Variants in KIF21B observed in about 807,000 individuals in gnomAD.
The protein encoded by KIF21B is kinesin family member 21B, also known as kinesin-like protein KIF21B.
KIF21B carries 85 observed loss-of-function variants against 192.9 expected under a neutral mutation model. That is an observed-to-expected ratio of 0.44 (90% confidence interval 0.37 to 0.53). The LOEUF is 0.53. Among genes scored for constraint, KIF21B ranks in the 20% least tolerant of loss-of-function variants. The pLI is 0.00. For synonymous variants in KIF21B, 832 were observed against 884.6 expected (o/e 0.94, Z 1.05); for missense variants, 1,716 against 2,194.8 (o/e 0.78, Z 4.36).
chr1:201,006,933 C>G (rs1438398986), intron 3 of KIF21B, among the ~76,000 whole-genome samples: 1 of 143,352 alleles, frequency 7.0e-6, no homozygotes, highest in Non-Finnish European at 1.5e-5. Flanking sequence ...CACACACACA[C>G]AGAGACAGAC....
intron 9 of KIF21B, chr1:201,001,322 A>G (rs1010461458): frequency 1.9e-5 from 3 of 154,004 alleles, no homozygotes; most frequent in African/African-American, 7.2e-5. Flanking sequence ...GAAGGCTACT[A>G]TAATAAATTT....
chr1:200,991,649 G>A lies in KIF21B; in HGVS notation c.2454+8C>T, dbSNP rs1169974530. On this transcript the variant is annotated splice_region_variant and intron_variant, in intron 17 of 34. Transcript: ENST00000461742. ...CCAGGGCCTCGCCAGCCCCTCGAGTGAGCTCACCTCCTGGGTCTTCCTCCT... is the reference window on the plus strand; with the variant it reads ...CCAGGGCCTCGCCAGCCCCTCGAGTAAGCTCACCTCCTGGGTCTTCCTCCT... 1.2e-6 allele frequency: 2 copies of A among 1,613,658 alleles called. No individual in the cohort carries two copies. The highest frequency in any genetic ancestry group is 3.3e-5 in the Admixed American group (2 of 60,012).
intron 27 of KIF21B, among the ~76,000 whole-genome samples, chr1:200,983,995 T>C (rs1656118793): frequency 6.6e-6 from 1 of 152,180 alleles, no homozygotes; most frequent in Non-Finnish European, 1.5e-5. Flanking sequence ...CACAGCACTG[T>C]CACCCCTGGG....
chr1:200,994,316 C>T (rs1656908088), intron 15 of KIF21B, among the ~76,000 whole-genome samples: 1 of 152,236 alleles, frequency 6.6e-6, no homozygotes, highest in Admixed American at 6.5e-5. Context: ...CAGTTCCATT[C>T]TGTGAATCGC....
intron 22 of KIF21B, 75 bp from the exon 23 acceptor site, chr1:200,988,619 C>A: frequency 6.9e-7 from 1 of 1,459,738 alleles, no homozygotes; most frequent in South Asian, 1.3e-5. Context: ...GATGGTCTCC[C>A]TCCTATATCT....
intron 3 of KIF21B, among the ~76,000 whole-genome samples, chr1:201,006,124 G>A (rs1402316196): frequency 2.0e-5 from 3 of 152,260 alleles, no homozygotes; most frequent in Admixed American, 2.0e-4. Flanking sequence ...GGGGAGCTGT[G>A]CCCTAGCCCT....
At chr1:200,994,440 C>A (rs1365782171) in intron 15 of KIF21B, among the ~76,000 whole-genome samples, 3 of 152,194 alleles carry the variant, frequency 2.0e-5, no homozygotes, top group Non-Finnish European at 4.4e-5. Flanking sequence ...AAACCTAGGC[C>A]CCTCCTGGGA....
intron 34 of KIF21B, chr1:200,974,138 C>T (rs754798616): frequency 3.1e-6 from 5 of 1,598,616 alleles, no homozygotes; most frequent in Admixed American, 1.7e-5. Flanking sequence ...CAGGACTCGG[C>T]GAGGAAGGCA....
At chr1:200,996,584 C>T (rs1046408466) in intron 14 of KIF21B, among the ~76,000 whole-genome samples, 189 bp from the exon 15 acceptor site, 1 of 152,142 alleles carries the variant, frequency 6.6e-6, no homozygotes, top group African/African-American at 2.4e-5. Context: ...GCCCAAGGCC[C>T]CTTCCTGCTC....
rs1171735704 is a variant in KIF21B, at chr1:200,975,655, G to A, written c.4458C>T (p.Gly1486=). The A allele has an allele frequency of 6.8e-6, 11 of 1,610,146 alleles. No homozygotes were observed. Among genetic ancestry groups the A allele is most frequent in the East Asian group, 2.2e-5 (1 of 44,768 alleles). The part of the protein sequence containing the change: ...KDHYVKMFEL[G]ECVTGTIGPT... ...GGCCGATGGTGCCCGTCACACACTC[G>A]CCCAGCTCGAACATCTGTGGGAGGA... The change falls in exon 33 of 35, where the codon GGC becomes GGT. Residue 1486 remains glycine, a synonymous_variant. Coordinates refer to ENST00000461742, the MANE Select transcript of KIF21B (RefSeq NM_001252102.2). This position sits in a 1 kb window ranked among gnomAD's most constrained non-coding sequence, Gnocchi z 4.3.
chr1:200,996,958 C>T (rs192076361), intron 14 of KIF21B, among the ~76,000 whole-genome samples: 3 of 152,232 alleles, frequency 2.0e-5, no homozygotes, highest in Non-Finnish European at 4.4e-5. Context: ...GCATCCTTGG[C>T]TCCCCTCTCC....
intron 32 of KIF21B, 21 bp downstream of exon 32, chr1:200,976,755 C>A (rs2102373841): frequency 1.3e-6 from 2 of 1,512,610 alleles, no homozygotes; most frequent in East Asian, 4.6e-5. Context: ...AGCCCCGACC[C>A]AGGCCTCATA....
At position 201,004,922 on chromosome 1, in the gene KIF21B, C is replaced by T. The variant is rs774967340; in HGVS notation, c.744G>A (p.Ala248=). Residue 248 remains alanine, a synonymous_variant, in exon 6 of 35, where the codon GCG becomes GCA. Transcript: ENST00000461742. ...MCTQPDLVNE[A]VTGLPDGTPP... The stretch of plus-strand genomic sequence containing the variant: ...GTGTACCATCAGGAAGCCCAGTCAC[C>T]GCCTCATTCACCTGCAGCAGAAGTC... The T allele has an allele frequency of 2.1e-5, 33 of 1,606,852 alleles. No individual in the cohort carries two copies. Among genetic ancestry groups the T allele is most frequent in the East Asian group, 4.5e-5 (2 of 44,696 alleles).
At chr1:200,988,699 G>C in intron 22 of KIF21B, 67 bp downstream of exon 22, 1 of 1,551,296 alleles carries the variant, frequency 6.4e-7, no homozygotes, top group Admixed American at 1.8e-5. Context: ...AGGGCCTTGT[G>C]GGGGTCTGAG....
chr1:201,021,351 G>A (rs1263277631), intron 1 of KIF21B, among the ~76,000 whole-genome samples: 2 of 152,212 alleles, frequency 1.3e-5, no homozygotes, highest in Non-Finnish European at 2.9e-5. Context: ...GGGGAGGAGT[G>A]GGCGGGGCCC....
intron 8 of KIF21B, 71 bp downstream of exon 8, chr1:201,003,515 G>C: frequency 1.3e-6 from 2 of 1,499,240 alleles, no homozygotes; most frequent in Non-Finnish European, 1.9e-6. Context: ...GGGTGAGGCT[G>C]CAGGGCAGAG....
chr1:200,975,217 T>C lies in KIF21B; in HGVS notation c.4614+282A>G, dbSNP rs546734578. 1.4e-4 allele frequency among the ~76,000 whole-genome samples: 22 copies of C among 152,318 alleles called. No homozygotes were observed. The East Asian group carries it at 1.7e-3, about 12-fold the overall frequency. Reference sequence around the variant, plus strand: ...AACACAAATGCTCCCAGGAAAGGAATTGGGTAACTGAGCTTCACATGCAAA... The same window carrying C: ...AACACAAATGCTCCCAGGAAAGGAACTGGGTAACTGAGCTTCACATGCAAA... On this transcript the variant is annotated intron_variant, in intron 33 of 34. Coordinates refer to ENST00000461742, the MANE Select transcript of KIF21B (RefSeq NM_001252102.2). This position sits in a 1 kb window ranked among gnomAD's most constrained non-coding sequence, Gnocchi z 4.3.
rs528754067 is a variant in KIF21B at position 200,972,143 on chromosome 1, C to T, written c.*1378G>A. The T allele has an allele frequency of 1.3e-5, 2 of 152,404 alleles. No individual in the cohort carries two copies. Among genetic ancestry groups the T allele is most frequent in the Non-Finnish European group, 2.9e-5 (2 of 68,032 alleles). The allele number at this position is 152,404 out of a possible 1,614,324, so 9.4% of individuals were successfully genotyped here. On this transcript the variant is annotated 3_prime_UTR_variant, in exon 35 of 35. Transcript: ENST00000461742. ...CCAGAGTTCCCCCAACAGGGGGCGC[C>T]AGAACACTGATTTAACAATTTCCCC...
rs983020699 is a variant in KIF21B, at chr1:200,990,158, C to T, written c.3010G>A (p.Val1004Met). The change falls in exon 20 of 35, where the codon GTG becomes ATG. Residue 1004 changes from valine (V) to methionine (M), a missense_variant. By Grantham distance (21) the Val-to-Met change is conservative (BLOSUM62 1). This residue lies in a region of KIF21B where 49 missense variants were observed against 102.6 expected (regional missense o/e 0.48). Coordinates refer to ENST00000461742, the MANE Select transcript of KIF21B (RefSeq NM_001252102.2). This position sits in a 1 kb window ranked among gnomAD's most constrained non-coding sequence, Gnocchi z 5.4. ...GATACCTTGGTCTCCTCCAGCTGCACGATGGTGGCCTGGCAGTCGGTGATG... is the reference window on the plus strand; with the variant it reads ...GATACCTTGGTCTCCTCCAGCTGCATGATGGTGGCCTGGCAGTCGGTGATG... ...DGITDCQATI[V>M]QLEETKEELD... The T allele has an allele frequency of 5.0e-6, 8 of 1,613,822 alleles. No homozygotes were observed. Among genetic ancestry groups the T allele is most frequent in the African/African-American group, 1.3e-5 (1 of 75,070 alleles).
Sources: allele counts gnomAD v4.1 joint callset (sites outside exome capture counted in the v4.1 genomes callset), GRCh38; gene constraint gnomAD v4.1.1; regional missense constraint gnomAD v4.1.1; non-coding constraint Gnocchi (gnomAD v3.1); transcripts MANE v1.5; gene names NCBI Gene and HGNC (gene_info 2026-07-23, HGNC 2026-07-21).